The following ABHD17C variants were observed in gnomAD, a reference collection of about 807,000 sequenced individuals.
The protein encoded by ABHD17C is alpha/beta hydrolase domain-containing protein 17C.
A neutral mutation model predicts 27.9 loss-of-function variants in ABHD17C; 11 were observed. The ratio of observed to expected loss-of-function variants is 0.39; its 90% CI spans 0.25 to 0.65. The LOEUF is 0.65. Ranked by LOEUF, ABHD17C falls within the 30% of genes least tolerant of loss-of-function variation. The pLI, the probability that ABHD17C is intolerant of heterozygous loss-of-function variation, is 0.45. For missense variants in ABHD17C, 280 were observed against 470.2 expected (o/e 0.60, Z 3.74); for synonymous variants, 233 against 209.1 (o/e 1.11, Z -0.98).
chr15:80,695,357 G>GTCCGTCC lies in ABHD17C; in HGVS notation c.-62_-56dup, dbSNP rs1894475086. The GTCCGTCC allele has an allele frequency of 9.7e-7, 1 of 1,034,156 alleles. No individual in the cohort carries two copies. Among genetic ancestry groups the GTCCGTCC allele is most frequent in the African/African-American group, 1.7e-5 (1 of 58,100 alleles). 64.1% of individuals were successfully genotyped at this position (1,034,156 alleles called of 1,614,324 possible). ...TCGCCTGCCAGCTCCCTCGCCGCGC[G>GTCCGTCC]TCCGTCCTCCGTCCTCCCGGGCCAG... On this transcript the variant is annotated 5_prime_UTR_variant, in exon 1 of 3. Transcript: ENST00000258884. The surrounding 1 kb of genome is among the most constrained non-coding windows in gnomAD (Gnocchi z 4.3).
chr15:80,734,013 C>T (rs1339245324), intron 1 of ABHD17C, among the ~76,000 whole-genome samples: 1 of 151,474 alleles, frequency 6.6e-6, no homozygotes, highest in Non-Finnish European at 1.5e-5. Context: ...AAAACAGGGT[C>T]TGGCTCTGTC....
intron 1 of ABHD17C, among the ~76,000 whole-genome samples, chr15:80,701,404 C>T (rs1031421631): frequency 2.6e-5 from 4 of 151,928 alleles, no homozygotes; most frequent in Admixed American, 6.6e-5. Context: ...ATATGTCGGC[C>T]GCGGTGGCTC....
At chr15:80,746,151 C>G (rs1008955208) in intron 1 of ABHD17C, among the ~76,000 whole-genome samples, 3 of 152,114 alleles carry the variant, frequency 2.0e-5, no homozygotes, top group Non-Finnish European at 4.4e-5. Context: ...TGTAGAGTAT[C>G]ACATGATTAT....
chr15:80,731,456 G>A (rs1008794126), intron 1 of ABHD17C, among the ~76,000 whole-genome samples: 13 of 152,018 alleles, frequency 8.6e-5, no homozygotes, highest in African/African-American at 3.1e-4. Flanking sequence ...GAAGGTCTTC[G>A]TGACAGGGAA....
At chr15:80,736,691 A>C (rs1481753535) in intron 1 of ABHD17C, among the ~76,000 whole-genome samples, 1 of 152,188 alleles carries the variant, frequency 6.6e-6, no homozygotes, top group Non-Finnish European at 1.5e-5. Context: ...TGAAATATTT[A>C]AAATGTTGAC....
At chr15:80,737,340 A>G (rs1373438103) in intron 1 of ABHD17C, among the ~76,000 whole-genome samples, 1 of 152,188 alleles carries the variant, frequency 6.6e-6, no homozygotes, top group African/African-American at 2.4e-5. Flanking sequence ...TTTTGCTGCA[A>G]GAGATTCTGT....
In ABHD17C at chr15:80,695,895, G is replaced by C; in HGVS notation, c.466G>C (p.Gly156Arg). ...GATGTGCAGCTTCTACATTGGCCTC[G>C]GCTCCCGCATCAACTGCAACATCTT... Reference protein sequence around the residue: ...GQMCSFYIGLGSRINCNIFSY... With the variant: ...GQMCSFYIGLRSRINCNIFSY... The change falls in exon 1 of 3, where the codon GGC (glycine) becomes CGC (arginine). Residue 156 changes from glycine (G) to arginine (R), a missense_variant. Gly to Arg is a moderately radical substitution (Grantham distance 125). Around this residue, in one of 2 missense-constraint regions of ABHD17C, gnomAD observed 206 missense variants for 394.7 expected, o/e 0.52. Coordinates refer to ENST00000258884, the MANE Select transcript of ABHD17C (RefSeq NM_021214.2). The surrounding 1 kb of genome is among the most constrained non-coding windows in gnomAD (Gnocchi z 4.3). 6.3e-7 allele frequency: 1 copy of C among 1,597,372 alleles called. No individual in the cohort carries two copies.
At chr15:80,724,927 C>G (rs966851103) in intron 1 of ABHD17C, among the ~76,000 whole-genome samples, 1 of 152,182 alleles carries the variant, frequency 6.6e-6, no homozygotes, top group Admixed American at 6.5e-5. Flanking sequence ...ATTTTTATTA[C>G]AAATCCTATC....
intron 1 of ABHD17C, among the ~76,000 whole-genome samples, chr15:80,715,158 C>T (rs190965644): frequency 6.6e-6 from 1 of 152,192 alleles, no homozygotes; most frequent in Non-Finnish European, 1.5e-5. Context: ...TATTGTCTAA[C>T]TGTTTTCTGA....
At chr15:80,742,995 G>T in intron 1 of ABHD17C, among the ~76,000 whole-genome samples, 1 of 151,556 alleles carries the variant, frequency 6.6e-6, no homozygotes, top group African/African-American at 2.4e-5. Flanking sequence ...AGGGTTGAGT[G>T]GGTGGGAGGG....
At chr15:80,735,521 G>A (rs536219353) in intron 1 of ABHD17C, among the ~76,000 whole-genome samples, 25 of 152,134 alleles carry the variant, frequency 1.6e-4, no homozygotes, top group Non-Finnish European at 1.8e-4. Context: ...TCTTGTGTGC[G>A]TTCCCAAGCC....
chr15:80,695,434 C>T lies in ABHD17C; in HGVS notation c.5C>T (p.Pro2Leu). 1 of 1,332,230 alleles carries T rather than the reference C, an allele frequency of 7.5e-7. No homozygotes were observed. Among genetic ancestry groups the T allele is most frequent in the Non-Finnish European group, 9.8e-7 (1 of 1,025,638 alleles). The allele number at this position is 1,332,230 out of a possible 1,614,324, so 82.5% of individuals were successfully genotyped here. Residue 2 changes from proline to leucine, a missense_variant, in exon 1 of 3, where the codon CCC becomes CTC. Pro to Leu is a moderately conservative substitution (Grantham distance 98). Coordinates refer to ENST00000258884, the MANE Select transcript of ABHD17C (RefSeq NM_021214.2). The surrounding 1 kb of genome is among the most constrained non-coding windows in gnomAD (Gnocchi z 4.3). ...GGCGGGCACCAGGCCGTCCCGATGC[C>T]CGAGCCAGGCCCCAGGATGAACGGC... The part of the protein sequence containing the change: M[P>L]EPGPRMNGFS...
Position 80,710,374 on chromosome 15 carries a change from A to C in ABHD17C, c.590+14355A>C, listed in dbSNP as rs1596061375. Among the ~76,000 whole-genome samples the C allele has an allele frequency of 2.0e-5, 3 of 152,238 alleles. 1 individual carries two copies. The East Asian group carries it at 5.8e-4, about 29-fold the overall frequency. ...CCATTGCAGGGACTTTGGCTTTGAC[A>C]GCAGGAAATGGGAGCCATTGGAGGG... On this transcript the variant is annotated intron_variant, in intron 1 of 2. Transcript: ENST00000258884.
intron 1 of ABHD17C, among the ~76,000 whole-genome samples, chr15:80,726,501 G>GTTTTTTTTTTTTTTTTTTTT (rs10572505): frequency 6.3e-5 from 6 of 94,500 alleles, no homozygotes; most frequent in African/African-American, 3.2e-4. Context: ...TCTTTTTCTG[G>GTTTTTTTTTTTTTTTTTTTT]TTTTTTTTTT....
chr15:80,743,746 C>T (rs1895244746), intron 1 of ABHD17C, among the ~76,000 whole-genome samples: 5 of 152,058 alleles, frequency 3.3e-5, no homozygotes, highest in Admixed American at 3.3e-4. Flanking sequence ...GCACCATGCC[C>T]AACTAATTTT....
intron 1 of ABHD17C, among the ~76,000 whole-genome samples, chr15:80,702,168 T>A (rs1293416113): frequency 6.6e-6 from 1 of 152,176 alleles, no homozygotes; most frequent in African/African-American, 2.4e-5. Context: ...TTTAGTGCAC[T>A]CTTAGAGGCT....
In ABHD17C at chr15:80,754,491, GT is replaced by G. The variant is rs1478459983; in HGVS notation, c.*123del. The G allele has an allele frequency of 4.8e-5, 38 of 785,526 alleles. No homozygotes were observed. The highest frequency in any genetic ancestry group is 3.8e-4 in the South Asian group (20 of 52,778). The allele number at this position is 785,526 out of a possible 1,614,324, so 48.7% of individuals were successfully genotyped here. A position where few individuals can be genotyped will look rare whatever the true frequency, so the allele number is the denominator to read the frequency against. On this transcript the variant is annotated 3_prime_UTR_variant, in exon 3 of 3. Coordinates refer to ENST00000258884, the MANE Select transcript of ABHD17C (RefSeq NM_021214.2). ...TGAAGAAGTGCCCAACCTTTAGGGT[GT>G]TCTAATCAAAGAGCTGATGAAATCT...
At chr15:80,699,186 T>C (rs1894537895) in intron 1 of ABHD17C, among the ~76,000 whole-genome samples, 1 of 152,170 alleles carries the variant, frequency 6.6e-6, no homozygotes, top group South Asian at 2.1e-4. Flanking sequence ...TAACTGTATC[T>C]CCACTAAATT....
At chr15:80,717,908 A>G (rs2062316) in intron 1 of ABHD17C, among the ~76,000 whole-genome samples, 48,486 of 152,080 alleles carry the variant, frequency 0.32, 9,427 homozygotes, top group Non-Finnish European at 0.45. Context: ...ACTGCTGAGT[A>G]AGGATGCTGC....
Sources: allele counts gnomAD v4.1 joint callset (sites outside exome capture counted in the v4.1 genomes callset), GRCh38; gene constraint gnomAD v4.1.1; regional missense constraint gnomAD v4.1.1; non-coding constraint Gnocchi (gnomAD v3.1); transcripts MANE v1.5; gene names NCBI Gene and HGNC (gene_info 2026-07-23, HGNC 2026-07-21).